Variants in MBD5 observed in about 807,000 individuals in gnomAD.
The protein encoded by MBD5 is methyl-CpG-binding domain protein 5.
MBD5 carries 13 observed loss-of-function variants against 117.3 expected under a neutral mutation model. The observed-to-expected ratio is 0.11, with a 90% confidence interval of 0.07 to 0.18. The LOEUF (loss-of-function observed/expected upper bound fraction) is 0.18. MBD5 is among the 10% of genes least tolerant of loss of function. The pLI is 1.00. For synonymous variants in MBD5, 727 were observed against 766.4 expected (o/e 0.95, Z 0.85); for missense variants, 1,879 against 2,093.8 (o/e 0.90, Z 2.00).
At chr2:148,064,701 AG>A (rs1166923888) in intron 1 of MBD5, among the ~76,000 whole-genome samples, 1 of 152,204 alleles carries the variant, frequency 6.6e-6, no homozygotes, top group Non-Finnish European at 1.5e-5. Context: ...AACAAATTAA[AG>A]GAGCAATAAC....
intron 1 of MBD5, among the ~76,000 whole-genome samples, chr2:148,131,500 C>A (rs895527820): frequency 6.6e-6 from 1 of 152,058 alleles, no homozygotes; most frequent in Non-Finnish European, 1.5e-5. Flanking sequence ...TCAAGTCCAG[C>A]CTGGGCAACA....
At chr2:148,486,250 G>T (rs969195942) in intron 10 of MBD5, among the ~76,000 whole-genome samples, 1 of 151,970 alleles carries the variant, frequency 6.6e-6, no homozygotes, top group Non-Finnish European at 1.5e-5. Flanking sequence ...CACCTCCCTT[G>T]CATGCCCACC....
At chr2:148,497,361 T>C (rs1450249668) in intron 11 of MBD5, among the ~76,000 whole-genome samples, 2 of 152,142 alleles carry the variant, frequency 1.3e-5, no homozygotes, top group Non-Finnish European at 2.9e-5. Flanking sequence ...ATTTTTCTAA[T>C]GTAAACTTAT....
intron 3 of MBD5, among the ~76,000 whole-genome samples, chr2:148,307,549 TA>T (rs1701923877): frequency 6.6e-6 from 1 of 152,336 alleles, no homozygotes; most frequent in African/African-American, 2.4e-5. Flanking sequence ...TGTTTCTTAC[TA>T]AAAACACATC....
At chr2:148,307,706 T>C (rs1701926505) in intron 3 of MBD5, among the ~76,000 whole-genome samples, 1 of 152,178 alleles carries the variant, frequency 6.6e-6, no homozygotes, top group South Asian at 2.1e-4. Context: ...GTTTATTATA[T>C]AGGTATACAC....
chr2:148,313,923 T>C (rs991893690), intron 3 of MBD5, among the ~76,000 whole-genome samples: 9 of 151,990 alleles, frequency 5.9e-5, no homozygotes, highest in African/African-American at 1.9e-4. Context: ...ACTTCCTGGG[T>C]GAGGCAACGC....
At chr2:148,132,768 C>T (rs1697080203) in intron 1 of MBD5, among the ~76,000 whole-genome samples, 1 of 152,116 alleles carries the variant, frequency 6.6e-6, no homozygotes, top group Non-Finnish European at 1.5e-5. Flanking sequence ...ATTAATCATA[C>T]ATCATTTTTC....
At chr2:148,294,507 T>G (rs137877358) in intron 3 of MBD5, among the ~76,000 whole-genome samples, 73,985 of 124,218 alleles carry the variant, frequency 0.6, 22,686 homozygotes, top group East Asian at 0.85. Context: ...TACAGTTTTT[T>G]TTTTTTTTTT....
At chr2:148,414,335 T>C (rs2105209121) in intron 4 of MBD5, among the ~76,000 whole-genome samples, 1 of 152,284 alleles carries the variant, frequency 6.6e-6, no homozygotes, top group Middle Eastern at 3.4e-3. Context: ...AGTATGTTGA[T>C]ATGATTTCAG....
At position 148,512,960 on chromosome 2, in the gene MBD5, T is replaced by G. The variant is rs377301630; in HGVS notation, c.*19T>G. ...CAGATAACAGAGACTACTCCACTAA[T>G]GCGCAGTGTTTATTAAAGGAACATG... On this transcript the variant is annotated 3_prime_UTR_variant, in exon 14 of 14. Transcript: ENST00000642680. 3 of 1,604,222 alleles carry G rather than the reference T, an allele frequency of 1.9e-6. No individual in the cohort carries two copies. The African/African-American group carries it at 4.0e-5, about 21-fold the overall frequency.
chr2:148,391,266 A>G (rs1023119668), intron 4 of MBD5, among the ~76,000 whole-genome samples: 2 of 124,110 alleles, frequency 1.6e-5, no homozygotes, highest in Admixed American at 1.6e-4. Context: ...AAACAGTGTT[A>G]AAGAACAGTA....
intron 3 of MBD5, among the ~76,000 whole-genome samples, chr2:148,304,891 C>G (rs1401973508): frequency 1.3e-5 from 2 of 151,948 alleles, no homozygotes; most frequent in African/African-American, 4.8e-5. Flanking sequence ...CGGTGAAACC[C>G]CGTCTCTACT....
At chr2:148,511,819 AT>A (rs1682223250) in intron 13 of MBD5, among the ~76,000 whole-genome samples, 1 of 152,232 alleles carries the variant, frequency 6.6e-6, no homozygotes, top group African/African-American at 2.4e-5. Context: ...ATTATTTAAA[AT>A]TTTTAAATAT....
intron 1 of MBD5, chr2:148,028,242 T>C (rs906101592): frequency 6.6e-6 from 1 of 152,092 alleles, no homozygotes; most frequent in African/African-American, 2.4e-5. Context: ...ATATGAGTTA[T>C]GTAAATCAGT....
At chr2:148,105,728 C>G (rs920408050) in intron 1 of MBD5, among the ~76,000 whole-genome samples, 2 of 151,326 alleles carry the variant, frequency 1.3e-5, no homozygotes, top group African/African-American at 2.4e-5. Context: ...TCCTTTGTTT[C>G]ATTTTGTTTT....
At chr2:148,374,231 G>A (rs187000957) in intron 4 of MBD5, among the ~76,000 whole-genome samples, 1 of 141,266 alleles carries the variant, frequency 7.1e-6, no homozygotes, top group Non-Finnish European at 1.5e-5. Context: ...AACTAAATAT[G>A]TTTATGCATA....
chr2:148,376,894 A>G (rs1261135456), intron 4 of MBD5, among the ~76,000 whole-genome samples: 2 of 142,460 alleles, frequency 1.4e-5, no homozygotes, highest in East Asian at 3.9e-4. Flanking sequence ...TAATTATATT[A>G]TATACCATAT....
chr2:148,326,664 C>CAA (rs1559024407), intron 3 of MBD5, among the ~76,000 whole-genome samples: 1 of 151,566 alleles, frequency 6.6e-6, no homozygotes, highest in Non-Finnish European at 1.5e-5. Flanking sequence ...GCAACCCCTG[C>CAA]CTTTTTTTGT....
intron 4 of MBD5, among the ~76,000 whole-genome samples, chr2:148,435,356 C>T (rs1302825375): frequency 6.6e-6 from 1 of 152,072 alleles, no homozygotes; most frequent in Non-Finnish European, 1.5e-5. Flanking sequence ...TATAGTGTCA[C>T]TCATCTGTGT....
Sources: gnomAD v4.1 joint callset for allele counts (sites outside exome capture counted in the v4.1 genomes callset) on GRCh38, gnomAD v4.1.1 for gene constraint, MANE v1.5 for transcripts, NCBI Gene and HGNC (gene_info 2026-07-23, HGNC 2026-07-21) for gene names.